The following KIF19 variants were observed in gnomAD, a reference collection of about 807,000 sequenced individuals.
KIF19 encodes the protein kinesin-like protein KIF19.
A neutral mutation model predicts 106.6 loss-of-function variants in KIF19; 98 were observed. That is an observed-to-expected ratio of 0.92 (90% CI 0.78 to 1.09). KIF19 has a LOEUF of 1.09. Among genes scored for constraint, KIF19 ranks in the 50% least tolerant of loss-of-function variants. The pLI, the probability that KIF19 is intolerant of heterozygous loss-of-function variation, is 0.00. For synonymous variants in KIF19, 516 were observed against 584.2 expected (o/e 0.88, Z 1.68); for missense variants, 1,373 against 1,414.3 (o/e 0.97, Z 0.47).
chr17:74,345,100 C>T, intron 7 of KIF19, 145 bp downstream of exon 7: 1 of 795,172 alleles, frequency 1.3e-6, no homozygotes. Context: ...GCTGGCATCT[C>T]AGCTTCGTAG....
rs2054803641 is a variant in KIF19 at position 74,354,161 on chromosome 17, G to A, written c.2309-1G>A. On this transcript the variant is annotated splice_acceptor_variant, in intron 17 of 19. Transcript: ENST00000389916. LOFTEE classifies it high-confidence loss of function. ...TGTATGTTCCCCGTGTCCCGCTGCA[G>A]AGAGGAAGGAGATCCTGACTGGCAC... The A allele has an allele frequency of 1.9e-6, 3 of 1,603,108 alleles. No individual in the cohort carries two copies. In the East Asian group the frequency reaches 6.7e-5, roughly 36 times the overall value.
At chr17:74,349,800 GA>G (rs1372195904) in intron 10 of KIF19, among the ~76,000 whole-genome samples, 3 of 107,602 alleles carry the variant, frequency 2.8e-5, no homozygotes, top group African/African-American at 5.3e-5. Flanking sequence ...AGACAGTAAA[GA>G]TTTTTTTTTT....
chr17:74,335,262 G>A (rs897024774), intron 2 of KIF19, among the ~76,000 whole-genome samples: 1 of 152,228 alleles, frequency 6.6e-6, no homozygotes, highest in Non-Finnish European at 1.5e-5. Context: ...TGCCCCCACA[G>A]CAAAGAATGA....
chr17:74,352,786 C>A, intron 14 of KIF19, 35 bp from the exon 15 acceptor site: 1 of 1,613,396 alleles, frequency 6.2e-7, no homozygotes, highest in Non-Finnish European at 8.5e-7. Context: ...AGGACCAAAT[C>A]TTCTAACTGT....
Position 74,354,494 on chromosome 17 carries a change from G to T in KIF19, c.2641G>T (p.Glu881Ter), listed in dbSNP as rs1322597784. Reference sequence around the variant, plus strand: ...GAAGAAAAGCCTGGGCAAGAAAAGGGAGGAGTCGCTGGAGGCAAAGAGAAG... The same window carrying T: ...GAAGAAAAGCCTGGGCAAGAAAAGGTAGGAGTCGCTGGAGGCAAAGAGAAG... ...GQKKSLGKKREESLEAKRRKR... is the reference protein window; with the variant it reads ...GQKKSLGKKR Residue 881 changes from glutamate (E) to a stop codon, truncating the protein, a stop_gained, in exon 18 of 20, where the codon GAG becomes TAG. Transcript: ENST00000389916. LOFTEE classifies it high-confidence loss of function. 1 of 1,606,322 alleles carries T rather than the reference G, an allele frequency of 6.2e-7. No individual in the cohort carries two copies. Among genetic ancestry groups the T allele is most frequent in the South Asian group, 1.1e-5 (1 of 89,748 alleles).
intron 12 of KIF19, among the ~76,000 whole-genome samples, chr17:74,351,573 G>A (rs192797113): frequency 1.1e-4 from 16 of 152,232 alleles, no homozygotes; most frequent in African/African-American, 3.9e-4. Flanking sequence ...CAGACCAAAG[G>A]GGCTTTAGGG....
At chr17:74,342,554 G>C in intron 3 of KIF19, 76 bp from the exon 4 acceptor site, 1 of 1,125,290 alleles carries the variant, frequency 8.9e-7, no homozygotes, top group South Asian at 1.2e-5. Context: ...TCCTATCAGA[G>C]GTCAGGAAGA....
In KIF19 at chr17:74,342,734, G is replaced by C; in HGVS notation, c.319+17G>C. The C allele has an allele frequency of 6.2e-7, 1 of 1,605,898 alleles. No individual in the cohort carries two copies. Among genetic ancestry groups the C allele is most frequent in the Non-Finnish European group, 8.5e-7 (1 of 1,172,808 alleles). On this transcript the variant is annotated intron_variant, in intron 4 of 19. Coordinates refer to ENST00000389916, the MANE Select transcript of KIF19 (RefSeq NM_153209.4). ...GCCCCACAGGTAAGGGGAATGCCCA[G>C]ACTGTGGGCGAGGACCGCAATGCCC...
chr17:74,354,275 A>C lies in KIF19; in HGVS notation c.2422A>C (p.Ser808Arg), dbSNP rs1284772778. ...CCTGCTGGCACCCGCGACAGAGCGC[A>C]GCAGCCTGTCCCTGCACTCACTGAG... ...RHLLAPATER[S>R]SLSLHSLSEG... The change falls in exon 18 of 20, where the codon AGC becomes CGC. Residue 808 changes from serine (S) to arginine (R), a missense_variant. Physicochemically the swap from Ser to Arg is moderately radical, Grantham distance 110 (BLOSUM62 -1). This residue lies in a region of KIF19 where 1,020 missense variants were observed against 1,008.2 expected (regional missense o/e 1.01). Transcript: ENST00000389916. The C allele has an allele frequency of 1.2e-6, 2 of 1,608,444 alleles. No homozygotes were observed. Among genetic ancestry groups the C allele is most frequent in the African/African-American group, 1.3e-5 (1 of 74,930 alleles).
intron 2 of KIF19, chr17:74,329,432 A>C (rs1051156144): frequency 1.3e-5 from 2 of 148,212 alleles, no homozygotes; most frequent in Non-Finnish European, 3.0e-5. Context: ...TGGGTGACAG[A>C]GTGGGACTCT....
At chr17:74,332,214 G>GTGTGTGTGTT (rs2054110977) in intron 2 of KIF19, among the ~76,000 whole-genome samples, 10 of 54,448 alleles carry the variant, frequency 1.8e-4, no homozygotes, top group South Asian at 8.1e-4. Flanking sequence ...GTGTGTTTGT[G>GTGTGTGTGTT]TGTGTGTGTG....
Position 74,349,310 on chromosome 17 carries a change from C to G in KIF19, c.1174C>G (p.Arg392Gly). Reference protein sequence around the residue: ...IDEQTGRGQARGRQDRGDIRH... With the variant: ...IDEQTGRGQAGGRQDRGDIRH... ...TGAGCAGACTGGGCGGGGCCAGGCC[C>G]GGGGCCGGCAGGATCGGGGTGACAT... The change falls in exon 10 of 20, where the codon CGG becomes GGG. Residue 392 changes from arginine (R) to glycine (G), a missense_variant. By Grantham distance (125) the Arg-to-Gly change is moderately radical (BLOSUM62 -2). This residue lies in a region of KIF19 where 1,020 missense variants were observed against 1,008.2 expected (regional missense o/e 1.01). Coordinates refer to ENST00000389916, the MANE Select transcript of KIF19 (RefSeq NM_153209.4). 3 of 1,609,646 alleles carry G rather than the reference C, an allele frequency of 1.9e-6. No homozygotes were observed. Among genetic ancestry groups the G allele is most frequent in the Non-Finnish European group, 2.5e-6 (3 of 1,178,082 alleles).
In KIF19 at chr17:74,355,256, C is replaced by T. The variant is rs772850117; in HGVS notation, c.2941C>T (p.Arg981Cys). 1.4e-5 allele frequency: 23 copies of T among 1,612,696 alleles called. No homozygotes were observed. Among genetic ancestry groups the T allele is most frequent in the South Asian group, 7.7e-5 (7 of 91,036 alleles). ...GGSRRATRGP[R>C]LPHGTSTHGK... ...TTCTCGACGGGCTACCCGTGGGCCC[C>T]GCCTGCCCCACGGCACAAGCACCCA... Residue 981 changes from arginine (R) to cysteine (C), a missense_variant, in exon 20 of 20, where the codon CGC becomes TGC. Transcript: ENST00000389916.
At chr17:74,344,524 C>A (rs529141791) in intron 6 of KIF19, among the ~76,000 whole-genome samples, 176 bp downstream of exon 6, 4 of 152,236 alleles carry the variant, frequency 2.6e-5, no homozygotes, top group African/African-American at 9.6e-5. Flanking sequence ...GCCCCCACCA[C>A]GCTGACCCTG....
rs1216198821 is a variant in KIF19, at chr17:74,351,969, A to T, written c.1690A>T (p.Ser564Cys). ...IGSEEQREVL[S>C]LLCRVHELEV... is the part of the protein sequence containing the mutation. ...CTCCGAGGAGCAGCGCGAGGTGCTC[A>T]GCCTGCTGTGCCGCGTGCACGAGCT... is the stretch of plus-strand genomic sequence containing the variant. Residue 564 changes from serine to cysteine, a missense_variant, in exon 13 of 20, where the codon AGC (serine) becomes TGC (cysteine). Ser to Cys is a moderately radical substitution (Grantham distance 112, BLOSUM62 -1). Coordinates refer to ENST00000389916, the MANE Select transcript of KIF19 (RefSeq NM_153209.4). 1.3e-6 allele frequency: 2 copies of T among 1,523,982 alleles called. No homozygotes were observed. Among genetic ancestry groups the T allele is most frequent in the Non-Finnish European group, 1.7e-6 (2 of 1,143,620 alleles). 94.4% of individuals were successfully genotyped at this position (1,523,982 alleles called of 1,614,324 possible).
chr17:74,350,209 C>A (rs951127183), intron 10 of KIF19, among the ~76,000 whole-genome samples, 192 bp from the exon 11 acceptor site: 6 of 152,146 alleles, frequency 3.9e-5, no homozygotes, highest in Non-Finnish European at 8.8e-5. Flanking sequence ...TGGGCAACAG[C>A]TTGAAGACTC....
chr17:74,341,750 A>G (rs1228233515), intron 2 of KIF19, 126 bp from the exon 3 acceptor site: 4 of 699,636 alleles, frequency 5.7e-6, no homozygotes, highest in African/African-American at 1.8e-5. Context: ...CTAGATTCAG[A>G]GCCCAGAAGG....
In KIF19 at chr17:74,353,154, T is replaced by A. The variant is rs138255890; in HGVS notation, c.2115-42T>A. 2.4e-4 allele frequency: 356 copies of A among 1,509,844 alleles called. 3 individuals are homozygous for A. The African/African-American group carries it at 4.0e-3, about 17-fold the overall frequency. The allele number at this position is 1,509,844 out of a possible 1,614,324, so 93.5% of individuals were successfully genotyped here. On this transcript the variant is annotated intron_variant, in intron 15 of 19. Transcript: ENST00000389916. Reference sequence around the variant, plus strand: ...GGGTGGGGGTGGGACCTCGGTGAGATAGCCTGGTCTACAGCCACTCATCTT... The same window carrying A: ...GGGTGGGGGTGGGACCTCGGTGAGAAAGCCTGGTCTACAGCCACTCATCTT...
At chr17:74,332,074 T>C (rs1035205673) in intron 2 of KIF19, among the ~76,000 whole-genome samples, 3 of 152,102 alleles carry the variant, frequency 2.0e-5, no homozygotes, top group African/African-American at 7.2e-5. Context: ...GGCTGAAATA[T>C]GGGATGGCTT....
Sources: allele counts gnomAD v4.1 joint callset (sites outside exome capture counted in the v4.1 genomes callset), GRCh38; gene constraint gnomAD v4.1.1; regional missense constraint gnomAD v4.1.1; transcripts MANE v1.5; gene names NCBI Gene and HGNC (gene_info 2026-07-23, HGNC 2026-07-21).